Variants in ZNF804B observed in about 807,000 individuals in gnomAD.
The protein encoded by ZNF804B is zinc finger 804B.
ZNF804B carries 80 observed loss-of-function variants against 101.4 expected under a neutral mutation model. That is an observed-to-expected ratio of 0.79 (90% CI 0.66 to 0.95). The LOEUF is 0.95. ZNF804B is among the 40% of genes least tolerant of loss of function. The probability of loss-of-function intolerance (pLI) is 0.00; values close to 1 mark genes in which losing one functional copy is unlikely to be tolerated. For synonymous variants in ZNF804B, 622 were observed against 558.8 expected (o/e 1.11, Z -1.59); for missense variants, 1,673 against 1,561.9 (o/e 1.07, Z -1.20).
chr7:89,267,608 A>G (rs1480675615), intron 2 of ZNF804B, among the ~76,000 whole-genome samples: 4 of 152,156 alleles, frequency 2.6e-5, no homozygotes, highest in Non-Finnish European at 4.4e-5. Flanking sequence ...CAAGCCAGGC[A>G]TTGCAGAAGA....
intron 2 of ZNF804B, among the ~76,000 whole-genome samples, chr7:89,301,148 A>G (rs181935720): frequency 1.4e-5 from 2 of 140,974 alleles, no homozygotes; most frequent in Admixed American, 1.5e-4. Context: ...TTTTTCCGCA[A>G]CAGTAACAAT....
chr7:89,225,525 A>AT (rs911250440), intron 2 of ZNF804B, among the ~76,000 whole-genome samples: 2 of 151,944 alleles, frequency 1.3e-5, no homozygotes, highest in Admixed American at 6.6e-5. Context: ...CATTCAGTAG[A>AT]TTTTTTTTAA....
intron 2 of ZNF804B, among the ~76,000 whole-genome samples, chr7:89,219,803 G>A (rs1788953884): frequency 6.6e-6 from 1 of 150,664 alleles, no homozygotes; most frequent in South Asian, 2.1e-4. Flanking sequence ...TCTTTCGTCA[G>A]ACATCACTAG....
chr7:89,165,328 A>C (rs1181074669), intron 1 of ZNF804B, among the ~76,000 whole-genome samples: 1 of 152,082 alleles, frequency 6.6e-6, no homozygotes, highest in Non-Finnish European at 1.5e-5. Flanking sequence ...GGTTTATACA[A>C]AAGATAGAGG....
chr7:89,104,237 A>G (rs1790101733), intron 1 of ZNF804B, among the ~76,000 whole-genome samples: 1 of 151,860 alleles, frequency 6.6e-6, no homozygotes, highest in Non-Finnish European at 1.5e-5. Context: ...TTAGGGTTAT[A>G]CTGGATTCAT....
chr7:89,273,747 G>C (rs1789934032), intron 2 of ZNF804B, among the ~76,000 whole-genome samples: 1 of 152,114 alleles, frequency 6.6e-6, no homozygotes, highest in Non-Finnish European at 1.5e-5. Context: ...CAGATCTCCT[G>C]AGTGGTAGAT....
chr7:88,967,129 T>C (rs1339965571), intron 1 of ZNF804B, among the ~76,000 whole-genome samples: 1 of 151,522 alleles, frequency 6.6e-6, no homozygotes, highest in Admixed American at 6.6e-5. Context: ...AAAGGAAAGA[T>C]GAAGGAGATG....
chr7:88,881,001 C>T (rs1792021611), intron 1 of ZNF804B, among the ~76,000 whole-genome samples: 2 of 151,984 alleles, frequency 1.3e-5, no homozygotes, highest in African/African-American at 4.8e-5. Flanking sequence ...GCACAAAAGG[C>T]ATCTCATAAC....
intron 2 of ZNF804B, among the ~76,000 whole-genome samples, chr7:89,274,263 A>C: frequency 1.5e-5 from 2 of 137,496 alleles, no homozygotes; most frequent in Non-Finnish European, 3.1e-5. Context: ...GCACCCACTA[A>C]CTCGTCATCT....
intron 1 of ZNF804B, among the ~76,000 whole-genome samples, chr7:89,146,407 TA>T (rs1790791617): frequency 6.6e-6 from 1 of 152,072 alleles, no homozygotes; most frequent in Non-Finnish European, 1.5e-5. Flanking sequence ...ATGAGCCATC[TA>T]AATGAAATAA....
intron 1 of ZNF804B, among the ~76,000 whole-genome samples, chr7:89,129,786 C>T (rs1259384905): frequency 6.6e-6 from 1 of 152,008 alleles, no homozygotes; most frequent in Non-Finnish European, 1.5e-5. Flanking sequence ...ACACAGGCCA[C>T]TGGGCTCCAG....
rs1054263128 is a variant in ZNF804B, at chr7:88,794,528, G to T, written c.108+34444G>T. 4.3e-6 allele frequency: 7 copies of T among 1,613,476 alleles called. No homozygotes were observed. In the African/African-American group the frequency reaches 9.3e-5, roughly 22 times the overall value. Reference sequence around the variant, plus strand: ...TGCCATTGCATAAAAAGCCTCATTGGAATGTTATGAGAAATGACTATAATT... The same window carrying T: ...TGCCATTGCATAAAAAGCCTCATTGTAATGTTATGAGAAATGACTATAATT... On this transcript the variant is annotated intron_variant, in intron 1 of 3. Coordinates refer to ENST00000333190, the MANE Select transcript of ZNF804B (RefSeq NM_181646.5).
At chr7:89,123,933 G>C (rs191262453) in intron 1 of ZNF804B, among the ~76,000 whole-genome samples, 25 of 152,296 alleles carry the variant, frequency 1.6e-4, no homozygotes, top group Admixed American at 4.6e-4. Context: ...AAGAGAAGGA[G>C]TGTACAGGCA....
intron 1 of ZNF804B, among the ~76,000 whole-genome samples, chr7:88,920,656 G>A (rs1437873599): frequency 6.6e-6 from 1 of 151,196 alleles, no homozygotes; most frequent in Non-Finnish European, 1.5e-5. Flanking sequence ...CAAAGAGGAT[G>A]GAATGGAAAA....
At chr7:89,110,297 G>A (rs1326158277) in intron 1 of ZNF804B, among the ~76,000 whole-genome samples, 1 of 152,206 alleles carries the variant, frequency 6.6e-6, no homozygotes, top group East Asian at 1.9e-4. Context: ...TATCTAGTGA[G>A]CTGATGAGAG....
chr7:88,875,485 C>A (rs1791916689), intron 1 of ZNF804B, among the ~76,000 whole-genome samples: 1 of 152,080 alleles, frequency 6.6e-6, no homozygotes, highest in African/African-American at 2.4e-5. Context: ...GATATCACCA[C>A]CGATCCCACA....
At chr7:88,847,113 A>T (rs1326697082) in intron 1 of ZNF804B, among the ~76,000 whole-genome samples, 1 of 152,034 alleles carries the variant, frequency 6.6e-6, no homozygotes, top group Non-Finnish European at 1.5e-5. Flanking sequence ...CTCTCAGTGT[A>T]AATTAGTTTA....
intron 1 of ZNF804B, among the ~76,000 whole-genome samples, chr7:89,065,648 A>C (rs1789445845): frequency 6.6e-6 from 1 of 152,036 alleles, no homozygotes; most frequent in African/African-American, 2.4e-5. Flanking sequence ...GTCTAAAACC[A>C]AAGTGTTGGC....
chr7:89,080,023 AT>A (rs1160511004), intron 1 of ZNF804B, among the ~76,000 whole-genome samples: 7 of 149,402 alleles, frequency 4.7e-5, no homozygotes, highest in Admixed American at 6.7e-5. Context: ...TTACATTTTT[AT>A]TTTTTTTTTA....
Sources: gnomAD v4.1 joint callset for allele counts (sites outside exome capture counted in the v4.1 genomes callset) on GRCh38, gnomAD v4.1.1 for gene constraint, MANE v1.5 for transcripts, NCBI Gene and HGNC (gene_info 2026-07-23, HGNC 2026-07-21) for gene names.